Variants in COL4A3 observed in about 807,000 individuals in gnomAD.
COL4A3 encodes the protein collagen alpha-3(IV) chain.
COL4A3 carries 135 observed loss-of-function variants against 217.4 expected under a neutral mutation model. That is an observed-to-expected ratio of 0.62 (90% CI 0.54 to 0.72). COL4A3 has a LOEUF of 0.72. COL4A3 is among the 30% of genes least tolerant of loss of function. The pLI, the probability that COL4A3 is intolerant of heterozygous loss-of-function variation, is 0.00. For synonymous variants in COL4A3, 690 were observed against 736.3 expected, an observed-to-expected ratio of 0.94 and a Z score of 1.02; for missense variants, 1,868 against 2,119.9, an observed-to-expected ratio of 0.88 and a Z score of 2.33.
chr2:227,244,378 C>G lies in COL4A3; in HGVS notation c.279+14C>G. On this transcript the variant is annotated intron_variant, in intron 4 of 51. Coordinates refer to ENST00000396578, the MANE Select transcript of COL4A3 (RefSeq NM_000091.5). ...AAAGGTGTAAGGGTTAGTAGTCCAA[C>G]CAGTCCACCCTGATCGTTAAAAGAT... is the stretch of plus-strand genomic sequence containing the variant. The G allele has an allele frequency of 1.2e-6, 2 of 1,612,286 alleles. No individual in the cohort carries two copies. Among genetic ancestry groups the G allele is most frequent in the Non-Finnish European group, 1.7e-6 (2 of 1,178,426 alleles).
Position 227,175,410 on chromosome 2 carries a change from G to A in COL4A3, c.87+10597G>A, listed in dbSNP as rs557450663. Among the ~76,000 whole-genome samples, 55 of 152,246 alleles carry A rather than the reference G, an allele frequency of 3.6e-4. 1 individual carries two copies. Among genetic ancestry groups the A allele is most frequent in the African/African-American group, 1.3e-3 (55 of 41,544 alleles). Reference sequence around the variant, plus strand: ...CGCTTGAACCTGGGAGGCAAAAGTTGCAGTGAGCTGAGATCACGCCATTGC... The same window carrying A: ...CGCTTGAACCTGGGAGGCAAAAGTTACAGTGAGCTGAGATCACGCCATTGC... On this transcript the variant is annotated intron_variant, in intron 1 of 51. Transcript: ENST00000396578.
intron 1 of COL4A3, among the ~76,000 whole-genome samples, chr2:227,169,452 T>C (rs1224178583): frequency 9.9e-5 from 15 of 150,922 alleles, no homozygotes; most frequent in Non-Finnish European, 4.4e-5. Flanking sequence ...TCTAGATCCC[T>C]GAGGAATCGC....
chr2:227,261,622 G>A (rs925235257), intron 20 of COL4A3, among the ~76,000 whole-genome samples: 9 of 152,186 alleles, frequency 5.9e-5, no homozygotes, highest in Non-Finnish European at 1.2e-4. Flanking sequence ...ATACAGAAAT[G>A]CTCTTTTTCT....
At position 227,279,660 on chromosome 2, in the gene COL4A3, T is replaced by G; in HGVS notation, c.2126-133T>G. ...TTGGAACTTTTAAAAAATTGCTAATTTATCAGTTGGTTTTATTATCATTTA... is the reference window on the plus strand; with the variant it reads ...TTGGAACTTTTAAAAAATTGCTAATGTATCAGTTGGTTTTATTATCATTTA... On this transcript the variant is annotated intron_variant, in intron 28 of 51. Coordinates refer to ENST00000396578, the MANE Select transcript of COL4A3 (RefSeq NM_000091.5). The G allele has an allele frequency of 6.7e-6, 4 of 598,804 alleles. No homozygotes were observed. The Admixed American group carries it at 1.4e-4, about 21-fold the overall frequency. 37.1% of individuals were successfully genotyped at this position (598,804 alleles called of 1,614,324 possible). A position where few individuals can be genotyped will look rare whatever the true frequency, so the allele number is the denominator to read the frequency against.
chr2:227,272,719 GGGACTCAAGAC>G (rs1318426149), intron 25 of COL4A3, among the ~76,000 whole-genome samples: 1 of 152,202 alleles, frequency 6.6e-6, no homozygotes, highest in Non-Finnish European at 1.5e-5. Flanking sequence ...TATCTCAAGT[GGGACTCAAGAC>G]AGTTCCAAGT....
intron 4 of COL4A3, 69 bp downstream of exon 4, chr2:227,244,433 G>A (rs2069200072): frequency 7.0e-7 from 1 of 1,418,576 alleles, no homozygotes; most frequent in South Asian, 1.2e-5. Context: ...TTATACAAAT[G>A]TCAGAAAGGA....
At chr2:227,190,861 C>G (rs1204691532) in intron 1 of COL4A3, among the ~76,000 whole-genome samples, 1 of 152,160 alleles carries the variant, frequency 6.6e-6, no homozygotes, top group African/African-American at 2.4e-5. Context: ...GAGCCAAGAC[C>G]ATGCCACTGC....
chr2:227,256,305 G>A lies in COL4A3; in HGVS notation c.934-38G>A, dbSNP rs748655133. 5.0e-6 allele frequency: 8 copies of A among 1,598,588 alleles called. No individual in the cohort carries two copies. The East Asian group carries it at 8.9e-5, about 18-fold the overall frequency. ...GCTCCCCCAGAAGAAGTTGGCTCCT[G>A]TGTCTTCTGACCCATTTCTTTTTGT... is the stretch of plus-strand genomic sequence containing the variant. On this transcript the variant is annotated intron_variant, in intron 16 of 51. Coordinates refer to ENST00000396578, the MANE Select transcript of COL4A3 (RefSeq NM_000091.5).
intron 38 of COL4A3, chr2:227,293,796 G>A (rs1157398569): frequency 4.2e-6 from 2 of 470,838 alleles, no homozygotes. Context: ...GTTTCTTGTG[G>A]GGCCCCTGTT....
At chr2:227,273,614 T>C (rs774942586) in intron 26 of COL4A3, among the ~76,000 whole-genome samples, 39 of 152,290 alleles carry the variant, frequency 2.6e-4, no homozygotes, top group Non-Finnish European at 4.9e-4. Context: ...GATGTTGCTG[T>C]GTTGTCCAGG....
chr2:227,213,293 CAA>C (rs1455253449), intron 1 of COL4A3, among the ~76,000 whole-genome samples: 1 of 152,178 alleles, frequency 6.6e-6, no homozygotes, highest in Non-Finnish European at 1.5e-5. Context: ...CTGAAAAACT[CAA>C]GTCTCTTTAC....
chr2:227,169,593 A>T (rs1016187935), intron 1 of COL4A3, among the ~76,000 whole-genome samples: 1 of 152,018 alleles, frequency 6.6e-6, no homozygotes, highest in African/African-American at 2.4e-5. Context: ...CTAACTGGTG[A>T]GAGATGGTAT....
chr2:227,275,091 C>T (rs1430779726), intron 26 of COL4A3, among the ~76,000 whole-genome samples: 2 of 152,138 alleles, frequency 1.3e-5, no homozygotes, highest in African/African-American at 2.4e-5. Context: ...ATTTCAATCA[C>T]GAAGCCTAAA....
chr2:227,214,105 C>T (rs935068135), intron 1 of COL4A3, among the ~76,000 whole-genome samples: 9 of 151,946 alleles, frequency 5.9e-5, no homozygotes, highest in South Asian at 4.2e-4. Flanking sequence ...TTTTATCCTC[C>T]GCATATTGAA....
intron 1 of COL4A3, among the ~76,000 whole-genome samples, chr2:227,228,858 T>C (rs139886277): frequency 1.9e-4 from 29 of 152,188 alleles, no homozygotes; most frequent in African/African-American, 5.8e-4. Flanking sequence ...TTAGGGAAAG[T>C]GATAAACCCT....
At chr2:227,304,721 A>G (rs1366424684) in intron 46 of COL4A3, among the ~76,000 whole-genome samples, 1 of 152,236 alleles carries the variant, frequency 6.6e-6, no homozygotes, top group Non-Finnish European at 1.5e-5. Flanking sequence ...TGAATTCTGG[A>G]AGAACATAAA....
At chr2:227,310,379 G>A (rs1185326916) in intron 50 of COL4A3, among the ~76,000 whole-genome samples, 4 of 152,088 alleles carry the variant, frequency 2.6e-5, no homozygotes, top group African/African-American at 4.8e-5. Context: ...TACAATCTCT[G>A]CCTTCTGGCT....
In COL4A3 at chr2:227,251,983, C is replaced by T. The variant is rs994188556; in HGVS notation, c.645+612C>T. ...ACTCAGGGGGCTGAGGCAGGAAAATCGCTTGAACCTGGGAGTTGGAGTTTG... is the reference window on the plus strand; with the variant it reads ...ACTCAGGGGGCTGAGGCAGGAAAATTGCTTGAACCTGGGAGTTGGAGTTTG... On this transcript the variant is annotated intron_variant, in intron 11 of 51. Transcript: ENST00000396578. Among the ~76,000 whole-genome samples, 5 of 146,110 alleles carry T rather than the reference C, an allele frequency of 3.4e-5. 1 individual carries two copies. The highest frequency in any genetic ancestry group is 7.4e-3 in the Middle Eastern group (2 of 270).
rs7574406 is a variant in COL4A3 at position 227,291,594 on chromosome 2, A to C, written c.3210+708A>C. 7.1e-3 allele frequency among the ~76,000 whole-genome samples: 217 copies of C among 30,546 alleles called. 10 individuals are homozygous for C. The highest frequency in any genetic ancestry group is 0.018 in the African/African-American group (206 of 11,320). The allele number at this position is 30,546 out of a possible 152,430, so 20.0% of individuals were successfully genotyped here. A position where few individuals can be genotyped will look rare whatever the true frequency, so the allele number is the denominator to read the frequency against. On this transcript the variant is annotated intron_variant, in intron 37 of 51. Coordinates refer to ENST00000396578, the MANE Select transcript of COL4A3 (RefSeq NM_000091.5). The stretch of plus-strand genomic sequence containing the variant: ...AAAAAAAAAAACAAAAAAAAAAAAC[A>C]AAAAAAAAAACACTTGTCTTACAAA...
Sources: gnomAD v4.1 joint callset for allele counts (sites outside exome capture counted in the v4.1 genomes callset) on GRCh38, gnomAD v4.1.1 for gene constraint, MANE v1.5 for transcripts, NCBI Gene and HGNC (gene_info 2026-07-23, HGNC 2026-07-21) for gene names.